Variants in NOD2 observed in about 807,000 individuals in gnomAD.
The protein encoded by NOD2 is nucleotide binding oligomerization domain containing 2.
A neutral mutation model predicts 90.9 loss-of-function variants in NOD2; 86 were observed. The ratio of observed to expected loss-of-function variants is 0.95; its 90% CI spans 0.79 to 1.13. The LOEUF (loss-of-function observed/expected upper bound fraction) is 1.13. Ranked by LOEUF, NOD2 falls within the 50% of genes most tolerant of loss-of-function variation. The pLI is 0.00. For missense variants in NOD2, 1,238 were observed against 1,283.8 expected, an observed-to-expected ratio of 0.96 and a Z score of 0.55; for synonymous variants, 581 against 554.6, an observed-to-expected ratio of 1.05 and a Z score of -0.67.
chr16:50,731,613 CT>C lies in NOD2; in HGVS notation c.2970-133del, dbSNP rs916362144. The C allele has an allele frequency of 4.2e-6, 3 of 715,220 alleles. No individual in the cohort carries two copies. The African/African-American group carries it at 5.2e-5, about 13-fold the overall frequency. The allele number at this position is 715,220 out of a possible 1,614,324, so 44.3% of individuals were successfully genotyped here. A position where few individuals can be genotyped will look rare whatever the true frequency, so the allele number is the denominator to read the frequency against. On this transcript the variant is annotated intron_variant, in intron 11 of 11. Transcript: ENST00000647318. ...AAGGGTAAAAACAGCCCTGACTTCC[CT>C]GCAAGAAACACTGCAGCTGGGCCAG...
chr16:50,711,005 A>T lies in NOD2; in HGVS notation c.1013A>T (p.Gln338Leu), dbSNP rs1430448639. ...WPDVGQEDIF[Q>L]LLLDHPDRVL... ...GATGTTGGTCAAGAAGACATCTTCC[A>T]GTTACTCCTTGACCACCCTGACCGT... The change falls in exon 4 of 12, where the codon CAG (glutamine) becomes CTG (leucine). Residue 338 changes from glutamine to leucine, a missense_variant. Around this residue, in one of 3 missense-constraint regions of NOD2, gnomAD observed 567 missense variants for 577.3 expected, o/e 0.98. Coordinates refer to ENST00000647318, the MANE Select transcript of NOD2 (RefSeq NM_001370466.1). 13 of 1,614,222 alleles carry T rather than the reference A, an allele frequency of 8.1e-6. No individual in the cohort carries two copies. Among genetic ancestry groups the T allele is most frequent in the Non-Finnish European group, 1.1e-5 (13 of 1,180,040 alleles).
intron 9 of NOD2, among the ~76,000 whole-genome samples, chr16:50,725,068 TCCTGGAAGCCCCA>T (rs1262430814): frequency 6.6e-6 from 1 of 152,194 alleles, no homozygotes; most frequent in Non-Finnish European, 1.5e-5. Flanking sequence ...TAAAAAGCAT[TCCTGGAAGCCCCA>T]CCTGTCGACT....
intron 4 of NOD2, among the ~76,000 whole-genome samples, chr16:50,714,007 C>T (rs1179345026): frequency 1.3e-5 from 2 of 152,186 alleles, no homozygotes; most frequent in Non-Finnish European, 1.5e-5. Context: ...GAGGGAGGAT[C>T]ATGATACTTT....
chr16:50,699,240 A>G (rs1963810128), intron 1 of NOD2, among the ~76,000 whole-genome samples: 1 of 152,122 alleles, frequency 6.6e-6, no homozygotes, highest in African/African-American at 2.4e-5. Flanking sequence ...CCAAGCATGG[A>G]TATGGGAGTT....
chr16:50,703,469 C>T (rs1397928384), intron 2 of NOD2, among the ~76,000 whole-genome samples: 2 of 151,922 alleles, frequency 1.3e-5, no homozygotes, highest in African/African-American at 4.8e-5. Flanking sequence ...GAAACCCCGT[C>T]TCTACTAAAA....
rs34430742 is a variant in NOD2, at chr16:50,696,496, G to A, written c.-9+2834G>A. On this transcript the variant is annotated intron_variant, in intron 1 of 11. Transcript: ENST00000647318. The stretch of plus-strand genomic sequence containing the variant: ...GCCCGACCAGGTAATAAAGGAGTAA[G>A]AGGAAGGATGTTAAGGACAATTTTA... 29 of 152,562 alleles carry A rather than the reference G, an allele frequency of 1.9e-4. 1 individual carries two copies. Among genetic ancestry groups the A allele is most frequent in the African/African-American group, 6.7e-4 (28 of 41,578 alleles). 9.5% of individuals were successfully genotyped at this position (152,562 alleles called of 1,614,324 possible).
At position 50,711,121 on chromosome 16, in the gene NOD2, C is replaced by T. The variant is rs756755875; in HGVS notation, c.1129C>T (p.Gln377Ter). 5 of 1,614,206 alleles carry T rather than the reference C, an allele frequency of 3.1e-6. No individual in the cohort carries two copies. Among genetic ancestry groups the T allele is most frequent in the Admixed American group, 1.7e-5 (1 of 60,034 alleles). The stretch of plus-strand genomic sequence containing the variant: ...CTCCCCGACCGACCCCACCTCTGTC[C>T]AGACCCTGCTCTTCAACCTTCTGCA... ...HCSPTDPTSV[Q>*]TLLFNLLQGN... Residue 377 changes from glutamine to a stop codon, truncating the protein, a stop_gained, in exon 4 of 12, where the codon CAG (glutamine) becomes TAG (stop). Coordinates refer to ENST00000647318, the MANE Select transcript of NOD2 (RefSeq NM_001370466.1). LOFTEE classifies it high-confidence loss of function.
Position 50,731,898 on chromosome 16 carries a change from T to C in NOD2, c.*79T>C. ...GGCCCCAGAGGCTGGGTGACATGTG[T>C]TGGCAGCCTCTTCAAAATGAGCCCT... On this transcript the variant is annotated 3_prime_UTR_variant, in exon 12 of 12. Transcript: ENST00000647318. 1 of 1,056,728 alleles carries C rather than the reference T, an allele frequency of 9.5e-7. No individual in the cohort carries two copies. Among genetic ancestry groups the C allele is most frequent in the South Asian group, 1.3e-5 (1 of 79,632 alleles). The allele number at this position is 1,056,728 out of a possible 1,614,324, so 65.5% of individuals were successfully genotyped here.
rs192792151 is a variant in NOD2, at chr16:50,702,972, C to G, written c.459+3018C>G. On this transcript the variant is annotated intron_variant, in intron 2 of 11. Coordinates refer to ENST00000647318, the MANE Select transcript of NOD2 (RefSeq NM_001370466.1). ...ACCAGCTGTAATACCAGCTGTCCGT[C>G]TGACTCATGCAACTGTTAAAGTTGA... Among the ~76,000 whole-genome samples, 126 of 152,348 alleles carry G rather than the reference C, an allele frequency of 8.3e-4. 1 individual carries two copies. Among genetic ancestry groups the G allele is most frequent in the African/African-American group, 2.8e-3 (115 of 41,584 alleles).
At chr16:50,713,746 G>A (rs1964649939) in intron 4 of NOD2, among the ~76,000 whole-genome samples, 2 of 151,910 alleles carry the variant, frequency 1.3e-5, no homozygotes, top group African/African-American at 4.8e-5. Context: ...TAGCTGGGGG[G>A]AAGGTATGGA....
chr16:50,699,973 G>C lies in NOD2; in HGVS notation c.459+19G>C, dbSNP rs1287561577. The C allele has an allele frequency of 2.5e-6, 4 of 1,595,706 alleles. No individual in the cohort carries two copies. In the East Asian group the frequency reaches 8.9e-5, roughly 36 times the overall value. On this transcript the variant is annotated intron_variant, in intron 2 of 11. Coordinates refer to ENST00000647318, the MANE Select transcript of NOD2 (RefSeq NM_001370466.1). ...CCAGAGGGTGAGGCACTCCTGGTGT[G>C]CATCACAGAGTTCTCAGGAAAGGGG...
intron 7 of NOD2, among the ~76,000 whole-genome samples, chr16:50,721,348 T>C (rs1567402664): frequency 6.8e-6 from 1 of 146,454 alleles, no homozygotes; most frequent in Non-Finnish European, 1.5e-5. Context: ...TGATACAAAG[T>C]GTTCTGTAAC....
At chr16:50,714,714 G>T (rs1273178429) in intron 4 of NOD2, among the ~76,000 whole-genome samples, 2 of 151,762 alleles carry the variant, frequency 1.3e-5, no homozygotes, top group African/African-American at 4.8e-5. Context: ...CTCTCCCACA[G>T]TGCCAACCTG....
At position 50,732,225 on chromosome 16, in the gene NOD2, C is replaced by T. The variant is rs1326189332; in HGVS notation, c.*406C>T. On this transcript the variant is annotated 3_prime_UTR_variant, in exon 12 of 12. Coordinates refer to ENST00000647318, the MANE Select transcript of NOD2 (RefSeq NM_001370466.1). The stretch of plus-strand genomic sequence containing the variant: ...TCACAAAAGACCCCTTACCACTGCT[C>T]TGATGAAGAGGAGTACACAGAACAC... 1.2e-5 allele frequency: 4 copies of T among 342,912 alleles called. No homozygotes were observed. The highest frequency in any genetic ancestry group is 8.5e-5 in the African/African-American group (4 of 47,044). 21.2% of individuals were successfully genotyped at this position (342,912 alleles called of 1,614,324 possible). A position where few individuals can be genotyped will look rare whatever the true frequency, so the allele number is the denominator to read the frequency against.
At chr16:50,709,256 A>G (rs1257882945) in intron 3 of NOD2, among the ~76,000 whole-genome samples, 1 of 152,138 alleles carries the variant, frequency 6.6e-6, no homozygotes, top group Non-Finnish European at 1.5e-5. Context: ...TGACATAAAC[A>G]CAGGGCGTCC....
At chr16:50,697,417 G>A in intron 1 of NOD2, 1 of 1,131,638 alleles carries the variant, frequency 8.8e-7, no homozygotes, top group East Asian at 2.6e-5. Context: ...GGGGAGTGCT[G>A]ACTCTGTTTC....
chr16:50,710,901 A>G lies in NOD2; in HGVS notation c.909A>G (p.Pro303=), dbSNP rs746405870. ...QDFQEFLFVF[P]FSCRQLQCMA... ...TCCAGGAATTTCTCTTTGTCTTCCC[A>G]TTCAGCTGCCGGCAGCTGCAGTGCA... The change falls in exon 4 of 12, where the codon CCA becomes CCG. Residue 303 remains proline, a synonymous_variant. Coordinates refer to ENST00000647318, the MANE Select transcript of NOD2 (RefSeq NM_001370466.1). The G allele has an allele frequency of 6.2e-6, 10 of 1,614,116 alleles. No individual in the cohort carries two copies. The East Asian group carries it at 2.0e-4, about 32-fold the overall frequency.
At chr16:50,717,457 G>GTC (rs756588401) in intron 6 of NOD2, among the ~76,000 whole-genome samples, 25 of 152,112 alleles carry the variant, frequency 1.6e-4, no homozygotes, top group Non-Finnish European at 3.2e-4. Context: ...TTCAACAGGA[G>GTC]TCTCTCTCTC....
intron 3 of NOD2, among the ~76,000 whole-genome samples, chr16:50,710,191 A>G (rs1287024380): frequency 1.3e-5 from 2 of 152,218 alleles, no homozygotes; most frequent in Non-Finnish European, 1.5e-5. Context: ...CCTTCCCGTC[A>G]TCTAGAACTC....
Sources: gnomAD v4.1 joint callset for allele counts (sites outside exome capture counted in the v4.1 genomes callset) on GRCh38, gnomAD v4.1.1 for gene constraint, gnomAD v4.1.1 regional missense constraint, MANE v1.5 for transcripts, NCBI Gene and HGNC (gene_info 2026-07-23, HGNC 2026-07-21) for gene names.